The following PIK3C2G variants were observed in gnomAD, a reference collection of about 807,000 sequenced individuals.
The protein encoded by PIK3C2G is phosphatidylinositol 3-kinase C2 domain-containing subunit gamma.
In PIK3C2G, 168 loss-of-function variants were observed where a neutral mutation model predicts 181.1. That is an observed-to-expected ratio of 0.93 (90% CI 0.82 to 1.05). The LOEUF is 1.05. Among genes scored for constraint, PIK3C2G ranks in the 50% least tolerant of loss-of-function variants. The pLI is 0.00. For synonymous variants in PIK3C2G, 573 were observed against 592.2 expected, an observed-to-expected ratio of 0.97 and a Z score of 0.47; for missense variants, 1,869 against 1,732.8, an observed-to-expected ratio of 1.08 and a Z score of -1.40.
intron 28 of PIK3C2G, among the ~76,000 whole-genome samples, chr12:18,565,904 A>T (rs1945610961): frequency 6.6e-6 from 1 of 152,176 alleles, no homozygotes; most frequent in South Asian, 2.1e-4. Context: ...TCTCCCAAAA[A>T]AACTATGCAT....
intron 28 of PIK3C2G, among the ~76,000 whole-genome samples, chr12:18,565,338 A>G (rs1223670405): frequency 1.3e-5 from 2 of 152,214 alleles, no homozygotes; most frequent in Admixed American, 1.3e-4. Flanking sequence ...TTCCAGGGGT[A>G]CACGACATGA....
intron 31 of PIK3C2G, among the ~76,000 whole-genome samples, chr12:18,614,172 T>C (rs1261776540): frequency 6.6e-6 from 1 of 152,062 alleles, no homozygotes; most frequent in East Asian, 1.9e-4. Flanking sequence ...TGTTTTTCCT[T>C]CATTCCGTGA....
At chr12:18,447,088 C>A (rs1208656806) in intron 18 of PIK3C2G, among the ~76,000 whole-genome samples, 1 of 152,140 alleles carries the variant, frequency 6.6e-6, no homozygotes, top group Non-Finnish European at 1.5e-5. Flanking sequence ...AGATATTGAA[C>A]TAAATATTGT....
chr12:18,696,197 G>A, the PIK3C2G span: 2 of 1,599,766 alleles, frequency 1.3e-6, no homozygotes, highest in Non-Finnish European at 1.7e-6. Context: ...AAAATTAGAA[G>A]AGTCTGCTCT....
intron 29 of PIK3C2G, among the ~76,000 whole-genome samples, chr12:18,572,497 A>C (rs1017062199): frequency 6.6e-6 from 1 of 151,068 alleles, no homozygotes; most frequent in Non-Finnish European, 1.5e-5. Flanking sequence ...GATATATATA[A>C]ATATAATCTG....
upstream of PIK3C2G, among the ~76,000 whole-genome samples, chr12:18,259,466 A>G (rs1279179738): frequency 6.6e-6 from 1 of 152,080 alleles, no homozygotes; most frequent in Non-Finnish European, 1.5e-5. Flanking sequence ...CAGGCAGATG[A>G]GTAAGGACAC....
chr12:18,651,778 A>C (rs958391152), downstream of PIK3C2G, among the ~76,000 whole-genome samples: 7 of 152,192 alleles, frequency 4.6e-5, no homozygotes, highest in Non-Finnish European at 1.0e-4. Context: ...GGCTCCTTGC[A>C]GGGTATATGA....
intron 13 of PIK3C2G, among the ~76,000 whole-genome samples, chr12:18,379,633 G>T (rs1378960956): frequency 6.6e-6 from 1 of 152,198 alleles, no homozygotes; most frequent in Non-Finnish European, 1.5e-5. Flanking sequence ...CTTTGCCCTG[G>T]TGACTTCTGA....
the PIK3C2G span, among the ~76,000 whole-genome samples, chr12:18,692,028 T>C: frequency 3.9e-5 from 6 of 152,118 alleles, no homozygotes; most frequent in Non-Finnish European, 7.4e-5. Context: ...TCCTGTGGTA[T>C]TACGATGGTG....
intron 18 of PIK3C2G, among the ~76,000 whole-genome samples, chr12:18,432,035 A>T (rs975658531): frequency 6.6e-6 from 1 of 152,216 alleles, no homozygotes; most frequent in Non-Finnish European, 1.5e-5. Flanking sequence ...AAGGCATAAT[A>T]CAGGAACAGT....
intron 11 of PIK3C2G, among the ~76,000 whole-genome samples, chr12:18,350,764 A>C (rs570350056): frequency 1.3e-5 from 2 of 152,202 alleles, no homozygotes; most frequent in East Asian, 3.8e-4. Context: ...AATCAAGAGC[A>C]TCATTAAATA....
intron 30 of PIK3C2G, among the ~76,000 whole-genome samples, chr12:18,609,312 C>T (rs1483858363): frequency 6.6e-6 from 1 of 152,066 alleles, no homozygotes; most frequent in Non-Finnish European, 1.5e-5. Context: ...TCAATCAAAA[C>T]AAAATATGAA....
chr12:18,549,382 A>G (rs561574330), intron 26 of PIK3C2G, among the ~76,000 whole-genome samples: 1 of 152,180 alleles, frequency 6.6e-6, no homozygotes, highest in African/African-American at 2.4e-5. Context: ...AAAGCATATA[A>G]TAATAACTAC....
chr12:18,616,970 T>C (rs891030755), intron 31 of PIK3C2G, among the ~76,000 whole-genome samples: 2 of 152,150 alleles, frequency 1.3e-5, no homozygotes, highest in African/African-American at 4.8e-5. Flanking sequence ...AATATTAAAA[T>C]GTAAATGCTG....
Position 18,477,863 on chromosome 12 carries a change from C to T in PIK3C2G, c.2505-10586C>T, listed in dbSNP as rs1939161631. On this transcript the variant is annotated intron_variant, in intron 18 of 32. Coordinates refer to ENST00000538779, the MANE Select transcript of PIK3C2G (RefSeq NM_001288772.2). Reference sequence around the variant, plus strand: ...CCAGCTTCGCCTTGCACCTATAAACCTGCCTCTCCAGCTGTGTTCAAACAC... The same window carrying T: ...CCAGCTTCGCCTTGCACCTATAAACTTGCCTCTCCAGCTGTGTTCAAACAC... Among the ~76,000 whole-genome samples, 6 of 152,138 alleles carry T rather than the reference C, an allele frequency of 3.9e-5. No individual in the cohort carries two copies. In the South Asian group the frequency reaches 1.0e-3, roughly 26 times the overall value.
At chr12:18,701,760 A>G in the PIK3C2G span, 1 of 1,603,600 alleles carries the variant, frequency 6.2e-7, no homozygotes, top group Non-Finnish European at 8.5e-7. Context: ...TTTAACTAAT[A>G]TTTTGAATTT....
chr12:18,647,890 A>T lies in PIK3C2G; in HGVS notation c.4323A>T (p.Glu1441Asp). Reference sequence around the variant, plus strand: ...TCCGTTTTTAGGTAGTATATGATGAAGTCACAGAGCTCCAAGGACATGTCT... The same window carrying T: ...TCCGTTTTTAGGTAGTATATGATGATGTCACAGAGCTCCAAGGACATGTCT... ...PTYNEIVVYD[E>D]VTELQGHVLM... Residue 1441 changes from glutamate (E) to aspartate (D), a missense_variant, in exon 33 of 33, where the codon GAA becomes GAT. Coordinates refer to ENST00000538779, the MANE Select transcript of PIK3C2G (RefSeq NM_001288772.2). 2.6e-6 allele frequency: 4 copies of T among 1,557,402 alleles called. No individual in the cohort carries two copies. The highest frequency in any genetic ancestry group is 3.5e-6 in the Non-Finnish European group (4 of 1,149,036).
At chr12:18,377,449 G>C (rs1942530897) in intron 13 of PIK3C2G, among the ~76,000 whole-genome samples, 1 of 152,168 alleles carries the variant, frequency 6.6e-6, no homozygotes, top group Non-Finnish European at 1.5e-5. Context: ...GTGTAAGAAT[G>C]ATTACATGGA....
intron 18 of PIK3C2G, among the ~76,000 whole-genome samples, chr12:18,480,512 G>C (rs1198144308): frequency 1.3e-5 from 2 of 152,090 alleles, no homozygotes; most frequent in Non-Finnish European, 2.9e-5. Context: ...ATGTAGCCTT[G>C]AGGTAGGAGG....
Sources: allele counts gnomAD v4.1 joint callset (sites outside exome capture counted in the v4.1 genomes callset), GRCh38; gene constraint gnomAD v4.1.1; transcripts MANE v1.5; gene names NCBI Gene and HGNC (gene_info 2026-07-23, HGNC 2026-07-21).